Variants in DDX19B observed in about 807,000 individuals in gnomAD.
DDX19B encodes the protein DEAD-box helicase 19B.
DDX19B carries 27 observed loss-of-function variants against 58.1 expected under a neutral mutation model. The ratio of observed to expected loss-of-function variants is 0.46; its 90% CI spans 0.34 to 0.64. The LOEUF (loss-of-function observed/expected upper bound fraction) is 0.64, where lower values mean the gene tolerates loss of function less well. Ranked by LOEUF, DDX19B falls within the 30% of genes least tolerant of loss-of-function variation. The pLI is 0.01. For synonymous variants in DDX19B, 187 were observed against 214.4 expected (o/e 0.87, Z 1.12); for missense variants, 399 against 596.5 (o/e 0.67, Z 3.45).
At chr16:70,315,774 G>A (rs1962365474) in intron 3 of DDX19B, 195 bp from the exon 4 acceptor site, 2 of 665,924 alleles carry the variant, frequency 3.0e-6, no homozygotes, top group East Asian at 5.9e-5. Flanking sequence ...AAGAATATGA[G>A]GCCTAAATGG....
At chr16:70,330,419 T>G (rs1359980444) in intron 9 of DDX19B, among the ~76,000 whole-genome samples, 4 of 152,020 alleles carry the variant, frequency 2.6e-5, no homozygotes, top group Non-Finnish European at 5.9e-5. Context: ...AAACCCCATC[T>G]CTACTAAAAA....
intron 1 of DDX19B, among the ~76,000 whole-genome samples, chr16:70,307,623 A>G (rs550739610): frequency 2.0e-5 from 3 of 152,178 alleles, no homozygotes; most frequent in Admixed American, 1.3e-4. Context: ...TCGGCCTCCC[A>G]AAGTACTAGG....
chr16:70,295,928 T>C (rs1341297529), upstream of DDX19B, among the ~76,000 whole-genome samples: 1 of 151,600 alleles, frequency 6.6e-6, no homozygotes, highest in Non-Finnish European at 1.5e-5. Flanking sequence ...GGATAAAGCA[T>C]ACTCAATCCA....
chr16:70,335,056 T>G lies in DDX19B; in HGVS notation c.*1474T>G, dbSNP rs1567642952. Reference sequence around the variant, plus strand: ...GGAAGGGAAGGGGCCAATGTCAGCCTCCAGGTGATTTCTTTAATCTGACAT... The same window carrying G: ...GGAAGGGAAGGGGCCAATGTCAGCCGCCAGGTGATTTCTTTAATCTGACAT... On this transcript the variant is annotated 3_prime_UTR_variant, in exon 12 of 12. Transcript: ENST00000288071. 2 of 152,166 alleles carry G rather than the reference T, an allele frequency of 1.3e-5. No homozygotes were observed. 9.4% of individuals were successfully genotyped at this position (152,166 alleles called of 1,614,324 possible).
upstream of DDX19B, chr16:70,294,721 C>G (rs1961157084): frequency 1.5e-6 from 1 of 677,050 alleles, no homozygotes; most frequent in Non-Finnish European, 2.2e-6. Context: ...GGCGCGTGCC[C>G]GAGCGCTGTA....
At chr16:70,329,794 G>A (rs1963383931) in intron 8 of DDX19B, 37 bp from the exon 9 acceptor site, 1 of 1,612,816 alleles carries the variant, frequency 6.2e-7, no homozygotes, top group Non-Finnish European at 8.5e-7. Context: ...GCTTCCCGGG[G>A]CCACCTGGGG....
intron 3 of DDX19B, 24 bp downstream of exon 3, chr16:70,314,979 A>G (rs1400353602): frequency 1.2e-6 from 2 of 1,603,542 alleles, no homozygotes; most frequent in Non-Finnish European, 1.7e-6. Context: ...GGAGCTTTAT[A>G]TAATAACAAG....
chr16:70,291,850 C>T (rs943825550), upstream of DDX19B, among the ~76,000 whole-genome samples: 31 of 151,468 alleles, frequency 2.0e-4, no homozygotes, highest in Non-Finnish European at 3.4e-4. Flanking sequence ...TTTATTCACC[C>T]ATTAAGAGAG....
upstream of DDX19B, among the ~76,000 whole-genome samples, chr16:70,296,116 G>C (rs1488758301): frequency 6.6e-6 from 1 of 150,538 alleles, no homozygotes; most frequent in Non-Finnish European, 1.5e-5. Context: ...GCAATTCTCT[G>C]CCTCAGCCTC....
chr16:70,325,535 A>G (rs772247442), intron 6 of DDX19B, 39 bp from the exon 7 acceptor site: 2 of 1,420,814 alleles, frequency 1.4e-6, no homozygotes, highest in African/African-American at 1.4e-5. Flanking sequence ...CAAAAGAGCT[A>G]TTGTCTTGAA....
chr16:70,299,460 C>G (rs1252456232), intron 1 of DDX19B, 106 bp downstream of exon 1: 2 of 1,318,472 alleles, frequency 1.5e-6, no homozygotes, highest in Non-Finnish European at 2.0e-6. Flanking sequence ...GATGGGGTGG[C>G]GGGGAGGATA....
intron 6 of DDX19B, among the ~76,000 whole-genome samples, chr16:70,325,006 G>A (rs1358331172): frequency 1.3e-5 from 2 of 152,146 alleles, no homozygotes; most frequent in Non-Finnish European, 2.9e-5. Context: ...AGCTGAGATC[G>A]CACCATTGCA....
intron 5 of DDX19B, among the ~76,000 whole-genome samples, chr16:70,323,552 G>GC (rs1962967593): frequency 6.6e-6 from 1 of 151,564 alleles, no homozygotes; most frequent in African/African-American, 2.4e-5. Flanking sequence ...GCCTCCCAAG[G>GC]AGCTGGGACT....
In DDX19B at chr16:70,324,920, A is replaced by G. The variant is rs3790073; in HGVS notation, c.492+233A>G. Among the ~76,000 whole-genome samples, 471 of 152,232 alleles carry G rather than the reference A, an allele frequency of 3.1e-3. 11 individuals are homozygous for G. The highest frequency in any genetic ancestry group is 0.023 in the East Asian group (120 of 5,178). On this transcript the variant is annotated intron_variant, in intron 6 of 11. Coordinates refer to ENST00000288071, the MANE Select transcript of DDX19B (RefSeq NM_007242.7). ...TAAAAAATTAGCTGGGCCTGGTGGC[A>G]TGTGCCTGTAATCCCAGCTACTTGG...
chr16:70,323,705 T>C (rs879853370), intron 5 of DDX19B, among the ~76,000 whole-genome samples: 3 of 152,166 alleles, frequency 2.0e-5, no homozygotes, highest in Admixed American at 1.3e-4. Context: ...ATTGCAGGCA[T>C]GAGCCACCGC....
At position 70,314,899 on chromosome 16, in the gene DDX19B, A is replaced by G; in HGVS notation, c.107-3A>G. ...GAATGATGGCCACTTTGTGTCTATA[A>G]AGGTGCTGTTGTCAAGACCAATGCC... is the stretch of plus-strand genomic sequence containing the variant. On this transcript the variant is annotated splice_region_variant and splice_polypyrimidine_tract_variant and intron_variant, in intron 2 of 11. Transcript: ENST00000288071. 1.9e-6 allele frequency: 3 copies of G among 1,608,942 alleles called. No individual in the cohort carries two copies. The highest frequency in any genetic ancestry group is 2.5e-6 in the Non-Finnish European group (3 of 1,176,618).
chr16:70,299,263 C>A lies in DDX19B; in HGVS notation c.-35C>A. On this transcript the variant is annotated 5_prime_UTR_variant, in exon 1 of 12. Transcript: ENST00000288071. The stretch of plus-strand genomic sequence containing the variant: ...CGATCCCTCGTGCCATCCCTCGAAT[C>A]CACCAGCACGAGCGTCCCACCCGCG... 6.5e-7 allele frequency: 1 copy of A among 1,539,752 alleles called. No homozygotes were observed. Among genetic ancestry groups the A allele is most frequent in the Non-Finnish European group, 8.7e-7 (1 of 1,143,996 alleles).
At chr16:70,323,089 G>T (rs952003662) in intron 5 of DDX19B, among the ~76,000 whole-genome samples, 1 of 151,726 alleles carries the variant, frequency 6.6e-6, no homozygotes, top group Admixed American at 6.6e-5. Context: ...CGGCTGCTCC[G>T]TTTTTTGTTT....
upstream of DDX19B, among the ~76,000 whole-genome samples, chr16:70,298,511 C>A (rs1961316049): frequency 6.6e-6 from 1 of 150,928 alleles, no homozygotes; most frequent in Admixed American, 6.7e-5. Context: ...TTTTCCTAGA[C>A]AGAGTTTTGC....
Sources: gnomAD v4.1 joint callset for allele counts (sites outside exome capture counted in the v4.1 genomes callset) on GRCh38, gnomAD v4.1.1 for gene constraint, MANE v1.5 for transcripts, NCBI Gene and HGNC (gene_info 2026-07-23, HGNC 2026-07-21) for gene names.